The following DCUN1D2 variants were observed in gnomAD, a reference collection of about 807,000 sequenced individuals.
The protein encoded by DCUN1D2 is DCN1-like protein 2.
A neutral mutation model predicts 30.9 loss-of-function variants in DCUN1D2; 29 were observed. That is an observed-to-expected ratio of 0.94 (90% CI 0.70 to 1.28). The LOEUF (loss-of-function observed/expected upper bound fraction) is 1.28, where lower values mean the gene tolerates loss of function less well. DCUN1D2 is among the 50% of genes most tolerant of loss of function. The pLI is 0.00. For synonymous variants in DCUN1D2, 121 were observed against 115.3 expected (o/e 1.05, Z -0.32); for missense variants, 325 against 316.9 (o/e 1.03, Z -0.19).
At position 113,461,079 on chromosome 13, in the gene DCUN1D2, A is replaced by G. The variant is rs2044310956; in HGVS notation, c.578T>C (p.Leu193Ser). The stretch of plus-strand genomic sequence containing the variant: ...CATTAAGAATGTGTTCCAGAGATCT[A>G]AAAATTTAAACCTTCCAGATAACAC... ...KLVLSGRFKF[L>S]DLWNTFLMEH... is the part of the protein sequence containing the mutation. Residue 193 changes from leucine to serine, a missense_variant, in exon 5 of 7, where the codon TTA becomes TCA. By Grantham distance (145) the Leu-to-Ser change is moderately radical. Coordinates refer to ENST00000478244, the MANE Select transcript of DCUN1D2 (RefSeq NM_001014283.2). 6.2e-7 allele frequency: 1 copy of G among 1,610,346 alleles called. No homozygotes were observed. Among genetic ancestry groups the G allele is most frequent in the Non-Finnish European group, 8.5e-7 (1 of 1,177,300 alleles).
intron 4 of DCUN1D2, among the ~76,000 whole-genome samples, chr13:113,471,151 C>G (rs1304419357): frequency 3.3e-5 from 5 of 151,324 alleles, no homozygotes; most frequent in Non-Finnish European, 7.4e-5. Flanking sequence ...AGACCCAACT[C>G]CACAGGGGAC....
chr13:113,485,443 C>G (rs1421380243), intron 1 of DCUN1D2, among the ~76,000 whole-genome samples: 1 of 152,144 alleles, frequency 6.6e-6, no homozygotes, highest in African/African-American at 2.4e-5. Context: ...TTCCCCAGTG[C>G]CACAGCAAAG....
intron 4 of DCUN1D2, among the ~76,000 whole-genome samples, chr13:113,470,722 A>C (rs1304937017): frequency 6.7e-6 from 1 of 150,090 alleles, no homozygotes; most frequent in Non-Finnish European, 1.5e-5. Flanking sequence ...CAGAATACCC[A>C]ACTCCACAAG....
intron 3 of DCUN1D2, among the ~76,000 whole-genome samples, chr13:113,479,861 C>T (rs542213715): frequency 5.3e-5 from 8 of 152,270 alleles, no homozygotes; most frequent in Admixed American, 2.0e-4. Context: ...GCTTTTTATA[C>T]GACTGGCAGT....
Position 113,456,844 on chromosome 13 carries a change from G to C in DCUN1D2, c.*1185C>G, listed in dbSNP as rs559111198. On this transcript the variant is annotated 3_prime_UTR_variant, in exon 7 of 7. Coordinates refer to ENST00000478244, the MANE Select transcript of DCUN1D2 (RefSeq NM_001014283.2). The stretch of plus-strand genomic sequence containing the variant: ...CTGGGCACTACGGGTACCACAAGAG[G>C]ATGGAAAGAACCAGCTCATTCGGTT... The C allele has an allele frequency of 6.5e-6, 1 of 153,734 alleles. No homozygotes were observed. The highest frequency in any genetic ancestry group is 1.4e-5 in the Non-Finnish European group (1 of 69,234). The allele number at this position is 153,734 out of a possible 1,614,324, so 9.5% of individuals were successfully genotyped here.
At chr13:113,472,328 G>A (rs75213348) in intron 4 of DCUN1D2, among the ~76,000 whole-genome samples, 204 of 152,246 alleles carry the variant, frequency 1.3e-3, no homozygotes, top group African/African-American at 4.5e-3. Flanking sequence ...TGGAAACGAC[G>A]ACTCTGAATG....
At chr13:113,469,486 C>G (rs116973694) in intron 4 of DCUN1D2, among the ~76,000 whole-genome samples, 2,916 of 151,958 alleles carry the variant, frequency 0.019, 59 homozygotes, top group Non-Finnish European at 0.027. Context: ...TTGAGACCAG[C>G]CCGGGCAACA....
Position 113,484,334 on chromosome 13 carries a change from T to C in DCUN1D2, c.4-278A>G. On this transcript the variant is annotated intron_variant, in intron 1 of 6. Coordinates refer to ENST00000478244, the MANE Select transcript of DCUN1D2 (RefSeq NM_001014283.2). ...TCTGCATGAAGTGTGACTATCATTT[T>C]TCTCTAAAACTCTCAGTAACTCTGT... is the stretch of plus-strand genomic sequence containing the variant. 3 of 555,576 alleles carry C rather than the reference T, an allele frequency of 5.4e-6. No homozygotes were observed. The East Asian group carries it at 1.5e-4, about 28-fold the overall frequency. The allele number at this position is 555,576 out of a possible 1,614,324, so 34.4% of individuals were successfully genotyped here.
At chr13:113,464,511 A>G (rs529504227) in intron 4 of DCUN1D2, among the ~76,000 whole-genome samples, 1 of 152,332 alleles carries the variant, frequency 6.6e-6, no homozygotes, top group Admixed American at 6.5e-5. Flanking sequence ...ATTAATTTAG[A>G]CTCTAATTTA....
chr13:113,479,548 G>A (rs1416277389), intron 3 of DCUN1D2, among the ~76,000 whole-genome samples: 2 of 152,190 alleles, frequency 1.3e-5, no homozygotes, highest in African/African-American at 4.8e-5. Context: ...GTCCCCTGAA[G>A]TCAGGAGTTC....
intron 3 of DCUN1D2, among the ~76,000 whole-genome samples, chr13:113,478,674 A>G (rs1047231728): frequency 1.3e-5 from 2 of 152,228 alleles, no homozygotes; most frequent in East Asian, 3.9e-4. Flanking sequence ...ATATTTTCTA[A>G]TTTCCATTGT....
At chr13:113,486,943 C>T (rs1037163810) in intron 1 of DCUN1D2, among the ~76,000 whole-genome samples, 1 of 152,224 alleles carries the variant, frequency 6.6e-6, no homozygotes, top group African/African-American at 2.4e-5. Flanking sequence ...TTTACAAAAA[C>T]AGACAGCTAG....
chr13:113,465,713 C>T (rs1237820401), intron 4 of DCUN1D2, among the ~76,000 whole-genome samples: 3 of 149,330 alleles, frequency 2.0e-5, no homozygotes, highest in Non-Finnish European at 4.4e-5. Context: ...GTCGCCCAGG[C>T]TGGAGTGCAG....
intron 3 of DCUN1D2, chr13:113,475,837 C>G (rs1478599576): frequency 1.3e-5 from 2 of 152,326 alleles, no homozygotes; most frequent in African/African-American, 4.8e-5. Flanking sequence ...TGGGTGGCAG[C>G]TGAGGGCTCT....
intron 5 of DCUN1D2, among the ~76,000 whole-genome samples, chr13:113,460,174 C>A (rs1240173884): frequency 1.3e-5 from 2 of 152,226 alleles, no homozygotes; most frequent in Non-Finnish European, 2.9e-5. Flanking sequence ...ATGGCAAACC[C>A]ACAGGACTGA....
rs1431837632 is a variant in DCUN1D2, at chr13:113,488,337, C to T, written c.3+2330G>A. ...GTCTAGGCTTAGTCCATTAACAGGC[C>T]TCTGGTCAGTCAACAAAGCTGCAAT... is the stretch of plus-strand genomic sequence containing the variant. On this transcript the variant is annotated intron_variant, in intron 1 of 6. Coordinates refer to ENST00000478244, the MANE Select transcript of DCUN1D2 (RefSeq NM_001014283.2). The surrounding 1 kb of genome is among the most constrained non-coding windows in gnomAD (Gnocchi z 4.3). Among the ~76,000 whole-genome samples the T allele has an allele frequency of 1.3e-5, 2 of 152,204 alleles. No homozygotes were observed. Among genetic ancestry groups the T allele is most frequent in the African/African-American group, 4.8e-5 (2 of 41,456 alleles).
At chr13:113,462,900 G>C (rs2044341877) in intron 4 of DCUN1D2, 1 of 1,214,444 alleles carries the variant, frequency 8.2e-7, no homozygotes, top group Non-Finnish European at 1.1e-6. Flanking sequence ...ACCTGGGGAG[G>C]AAAAAAAAAT....
At chr13:113,490,877 C>T (rs2044970735), upstream of DCUN1D2, 5 of 294,070 alleles carry the variant, frequency 1.7e-5, no homozygotes, top group East Asian at 3.2e-4. This position sits in a 1 kb window ranked among gnomAD's most constrained non-coding sequence, Gnocchi z 5.2. Flanking sequence ...CAGCCCTCTG[C>T]GAGGGCCTTG....
intron 5 of DCUN1D2, among the ~76,000 whole-genome samples, chr13:113,460,212 G>A (rs966050598): frequency 3.3e-5 from 5 of 152,154 alleles, no homozygotes; most frequent in African/African-American, 1.2e-4. Context: ...AGACAGCTCC[G>A]CCCTCCACCT....
Sources: allele counts gnomAD v4.1 joint callset (sites outside exome capture counted in the v4.1 genomes callset), GRCh38; gene constraint gnomAD v4.1.1; non-coding constraint Gnocchi (gnomAD v3.1); transcripts MANE v1.5; gene names NCBI Gene and HGNC (gene_info 2026-07-23, HGNC 2026-07-21).